Variants in TACC2 observed in about 807,000 individuals in gnomAD.
TACC2 encodes the protein transforming acidic coiled-coil-containing protein 2.
TACC2 carries 137 observed loss-of-function variants against 227.3 expected under a neutral mutation model. The ratio of observed to expected loss-of-function variants is 0.60; its 90% CI spans 0.52 to 0.69. The LOEUF (loss-of-function observed/expected upper bound fraction) is 0.69, where lower values mean the gene tolerates loss of function less well. TACC2 is among the 30% of genes least tolerant of loss of function. TACC2 has a pLI of 0.00. For synonymous variants in TACC2, 1,523 were observed against 1,487.5 expected (o/e 1.02, Z -0.55); for missense variants, 3,470 against 3,694.4 (o/e 0.94, Z 1.57).
In TACC2 at chr10:122,240,644, T is replaced by G. The variant is rs112347620; in HGVS notation, c.8349-1314T>G. Among the ~76,000 whole-genome samples the G allele has an allele frequency of 7.9e-3, 1,210 of 152,234 alleles. 25 individuals carry two copies. The highest frequency in any genetic ancestry group is 0.028 in the African/African-American group (1,160 of 41,554). On this transcript the variant is annotated intron_variant, in intron 18 of 22. Transcript: ENST00000369005. Reference sequence around the variant, plus strand: ...GCTGGGAGGGGCAAGCTCAGCGGGATCCCAGGCCTCCTGACCGGGGTGGGG... The same window carrying G: ...GCTGGGAGGGGCAAGCTCAGCGGGAGCCCAGGCCTCCTGACCGGGGTGGGG...
chr10:122,077,553 G>A (rs913602945), intron 3 of TACC2, among the ~76,000 whole-genome samples: 1 of 152,180 alleles, frequency 6.6e-6, no homozygotes, highest in Non-Finnish European at 1.5e-5. Flanking sequence ...GCGGAATGAG[G>A]CAGGAGAGGG....
At chr10:122,157,892 A>G (rs1425668555) in intron 7 of TACC2, among the ~76,000 whole-genome samples, 1 of 151,938 alleles carries the variant, frequency 6.6e-6, no homozygotes, top group Non-Finnish European at 1.5e-5. Flanking sequence ...GATTTTGAGG[A>G]TCATATTCAG....
chr10:122,213,281 AT>A, intron 9 of TACC2: 1 of 1,556,990 alleles, frequency 6.4e-7, no homozygotes, highest in South Asian at 1.1e-5. Context: ...TTGTCTGCAG[AT>A]TTATCTTTTT....
At chr10:122,163,243 G>A (rs2092928454) in intron 7 of TACC2, among the ~76,000 whole-genome samples, 1 of 152,012 alleles carries the variant, frequency 6.6e-6, no homozygotes, top group South Asian at 2.1e-4. Context: ...CTATTTACCT[G>A]TTCCTCCAGC....
intron 7 of TACC2, among the ~76,000 whole-genome samples, chr10:122,178,239 C>CTTTTT (rs61083559): frequency 7.3e-6 from 1 of 136,460 alleles, no homozygotes; most frequent in African/African-American, 2.8e-5. Flanking sequence ...TTCTTTCTTT[C>CTTTTT]TTTTTTTTTT....
intron 3 of TACC2, among the ~76,000 whole-genome samples, chr10:122,053,098 T>G (rs1211773116): frequency 6.6e-6 from 1 of 152,186 alleles, no homozygotes; most frequent in African/African-American, 2.4e-5. Context: ...GCCAAGTGTA[T>G]TAGTCCGTTT....
chr10:122,009,021 C>T (rs1426110198), intron 1 of TACC2, among the ~76,000 whole-genome samples: 3 of 152,192 alleles, frequency 2.0e-5, no homozygotes, highest in South Asian at 2.1e-4. Context: ...GCCCTTTTCA[C>T]TAGCTGCCCT....
intron 5 of TACC2, among the ~76,000 whole-genome samples, chr10:122,132,060 G>GAA (rs1194305877): frequency 6.2e-5 from 1 of 16,086 alleles, no homozygotes; most frequent in Non-Finnish European, 1.2e-4. Flanking sequence ...AAGAAAGAAA[G>GAA]AAAGAAAAAG....
At position 122,108,388 on chromosome 10, in the gene TACC2, TTCTC is replaced by T. The variant is rs146723425; in HGVS notation, c.5573+19807_5573+19810del. On this transcript the variant is annotated intron_variant, in intron 5 of 22. Coordinates refer to ENST00000369005, the MANE Select transcript of TACC2 (RefSeq NM_206862.4). ...TATTCCATGCGCGCGCGCTCTCTCT[TTCTC>T]TCTCTCTCTATGTGTGTGTGTGTAT... Among the ~76,000 whole-genome samples the T allele has an allele frequency of 8.7e-4, 127 of 146,576 alleles. 2 individuals are homozygous for T. The highest frequency in any genetic ancestry group is 6.5e-3 in the East Asian group (32 of 4,918).
At chr10:122,078,602 C>T (rs913239035) in intron 3 of TACC2, among the ~76,000 whole-genome samples, 6 of 152,336 alleles carry the variant, frequency 3.9e-5, no homozygotes, top group African/African-American at 1.4e-4. Context: ...GGCTTCCATT[C>T]GGGGTGCTGG....
chr10:122,050,486 A>G lies in TACC2; in HGVS notation c.82A>G (p.Ser28Gly), dbSNP rs375973608. 34 of 1,614,076 alleles carry G rather than the reference A, an allele frequency of 2.1e-5. No homozygotes were observed. In the African/African-American group the frequency reaches 3.5e-4, roughly 16 times the overall value. Residue 28 changes from serine (S) to glycine (G), a missense_variant, in exon 3 of 23, where the codon AGT (serine) becomes GGT (glycine). Physicochemically the swap from Ser to Gly is moderately conservative, Grantham distance 56. Transcript: ENST00000369005. This position sits in a 1 kb window ranked among gnomAD's most constrained non-coding sequence, Gnocchi z 4.6. ...TPRSAQPPGN[S>G]QNIKRKQQDT... ...AAGGTCCGCGCAGCCACCCGGGAAC[A>G]GTCAGAATATAAAAAGGAAGCAGCA... is the stretch of plus-strand genomic sequence containing the variant.
intron 8 of TACC2, among the ~76,000 whole-genome samples, chr10:122,204,634 G>A (rs1049759792): frequency 1.3e-5 from 2 of 152,216 alleles, no homozygotes; most frequent in Non-Finnish European, 2.9e-5. Flanking sequence ...CCAGGAGTTT[G>A]AGACCAGCCT....
intron 2 of TACC2, among the ~76,000 whole-genome samples, chr10:122,037,292 C>T (rs1371488436): frequency 6.6e-6 from 1 of 152,214 alleles, no homozygotes; most frequent in Non-Finnish European, 1.5e-5. Context: ...TTTTGTAGGT[C>T]CCAACCAGCC....
intron 7 of TACC2, among the ~76,000 whole-genome samples, chr10:122,145,907 T>G (rs1366720758): frequency 6.6e-6 from 1 of 152,026 alleles, no homozygotes; most frequent in Non-Finnish European, 1.5e-5. Flanking sequence ...TCTGTGTGGG[T>G]TGCTTCTGAA....
intron 11 of TACC2, among the ~76,000 whole-genome samples, chr10:122,217,586 G>A (rs1483260865): frequency 6.6e-6 from 1 of 151,282 alleles, no homozygotes; most frequent in Admixed American, 6.6e-5. Context: ...TTACAGGCGC[G>A]TGCCACCACC....
chr10:122,193,296 A>T (rs75024188), intron 7 of TACC2, among the ~76,000 whole-genome samples: 2,373 of 152,276 alleles, frequency 0.016, 67 homozygotes, highest in African/African-American at 0.05. Flanking sequence ...CTGACAAACT[A>T]GTTGTAAAAG....
chr10:122,111,970 A>G (rs984466480), intron 5 of TACC2, among the ~76,000 whole-genome samples: 5 of 152,218 alleles, frequency 3.3e-5, no homozygotes, highest in Non-Finnish European at 7.3e-5. Flanking sequence ...TCTTAGAAGC[A>G]CTGCGTTATT....
intron 7 of TACC2, among the ~76,000 whole-genome samples, chr10:122,184,594 C>T (rs532259413): frequency 4.6e-5 from 7 of 152,188 alleles, no homozygotes; most frequent in East Asian, 1.9e-4. Context: ...CTCCCTTGTA[C>T]GAAGGCAACC....
chr10:122,253,243 A>T (rs564200036), intron 22 of TACC2, among the ~76,000 whole-genome samples: 1 of 152,330 alleles, frequency 6.6e-6, no homozygotes, highest in Admixed American at 6.5e-5. Context: ...GGAGAAGGCC[A>T]TTGGAGATCG....
Sources: gnomAD v4.1 joint callset for allele counts (sites outside exome capture counted in the v4.1 genomes callset) on GRCh38, gnomAD v4.1.1 for gene constraint, Gnocchi (gnomAD v3.1) non-coding constraint, MANE v1.5 for transcripts, NCBI Gene and HGNC (gene_info 2026-07-23, HGNC 2026-07-21) for gene names.